Variants in THSD7B observed in about 807,000 individuals in gnomAD.
The protein encoded by THSD7B is thrombospondin type 1 domain containing 7B, also known as thrombospondin type-1 domain-containing protein 7B.
In THSD7B, 138 loss-of-function variants were observed where a neutral mutation model predicts 213.6. The ratio of observed to expected loss-of-function variants is 0.65; its 90% CI spans 0.56 to 0.74. THSD7B has a LOEUF of 0.74. THSD7B is among the 30% of genes least tolerant of loss of function. The pLI is 0.00. For synonymous variants in THSD7B, 742 were observed against 687.0 expected, an observed-to-expected ratio of 1.08 and a Z score of -1.25; for missense variants, 1,931 against 1,991.5, an observed-to-expected ratio of 0.97 and a Z score of 0.58.
At chr2:137,247,709 T>A (rs968212065) in intron 10 of THSD7B, among the ~76,000 whole-genome samples, 4 of 152,078 alleles carry the variant, frequency 2.6e-5, no homozygotes, top group Non-Finnish European at 4.4e-5. Context: ...CCTCATTTGG[T>A]GGAATTCATT....
chr2:137,575,327 A>G (rs1385697641), intron 17 of THSD7B, among the ~76,000 whole-genome samples: 1 of 152,080 alleles, frequency 6.6e-6, no homozygotes, highest in African/African-American at 2.4e-5. Context: ...AATCCCAGAC[A>G]GGGAGCAGTA....
rs187146710 is a variant in THSD7B, at chr2:137,165,372, G to A, written c.1525+5004G>A. 6.4e-3 allele frequency among the ~76,000 whole-genome samples: 971 copies of A among 152,328 alleles called. 9 individuals carry two copies. Among genetic ancestry groups the A allele is most frequent in the Non-Finnish European group, 0.011 (756 of 68,016 alleles). On this transcript the variant is annotated intron_variant, in intron 6 of 27. Transcript: ENST00000409968. ...GCCTATATTCCCTCTTGGGAAGAAT[G>A]AAGAATAGAGTTTTCCCTCTAGGGA...
chr2:136,854,022 G>A (rs1683138657), intron 1 of THSD7B, among the ~76,000 whole-genome samples: 1 of 152,124 alleles, frequency 6.6e-6, no homozygotes, highest in Non-Finnish European at 1.5e-5. Flanking sequence ...ACAACAGGAT[G>A]CTCTAGGCTC....
intron 15 of THSD7B, among the ~76,000 whole-genome samples, chr2:137,451,233 C>A (rs574625834): frequency 2.0e-5 from 3 of 151,806 alleles, no homozygotes; most frequent in Admixed American, 2.0e-4. Context: ...AACTTGGTAT[C>A]CTTAGTAGTA....
chr2:136,793,036 G>A (rs1456512830), intron 1 of THSD7B, among the ~76,000 whole-genome samples: 1 of 151,974 alleles, frequency 6.6e-6, no homozygotes, highest in Non-Finnish European at 1.5e-5. Flanking sequence ...GAATAATGCT[G>A]CTATAAACAT....
intron 2 of THSD7B, among the ~76,000 whole-genome samples, chr2:136,904,334 A>C (rs1398604860): frequency 6.6e-6 from 1 of 152,142 alleles, no homozygotes; most frequent in Non-Finnish European, 1.5e-5. Flanking sequence ...ACATGGAGGC[A>C]GATGCAGAGA....
At chr2:136,861,475 A>G (rs909426569) in intron 1 of THSD7B, among the ~76,000 whole-genome samples, 3 of 152,216 alleles carry the variant, frequency 2.0e-5, no homozygotes, top group Non-Finnish European at 4.4e-5. Flanking sequence ...CTCATTCTAC[A>G]TGGGAGGCAA....
chr2:136,951,371 A>C (rs932319987), intron 2 of THSD7B, among the ~76,000 whole-genome samples: 4 of 152,186 alleles, frequency 2.6e-5, no homozygotes, highest in Non-Finnish European at 5.9e-5. Flanking sequence ...TGCTTAGGTA[A>C]AAATATAACT....
chr2:137,388,406 T>G (rs1309348202), intron 12 of THSD7B, among the ~76,000 whole-genome samples: 1 of 152,158 alleles, frequency 6.6e-6, no homozygotes, highest in Non-Finnish European at 1.5e-5. Flanking sequence ...ATATAATTTC[T>G]GTACATTTTT....
intron 20 of THSD7B, among the ~76,000 whole-genome samples, chr2:137,632,017 A>C (rs1682750355): frequency 6.6e-6 from 1 of 152,178 alleles, no homozygotes. Context: ...TTACCGATGT[A>C]ATGATAGGCA....
chr2:137,106,769 G>A (rs141910709), intron 4 of THSD7B, among the ~76,000 whole-genome samples: 4 of 152,190 alleles, frequency 2.6e-5, no homozygotes, highest in East Asian at 3.9e-4. Context: ...ACATTTATGC[G>A]GCCAACAAAC....
intron 3 of THSD7B, among the ~76,000 whole-genome samples, chr2:137,076,398 G>A (rs1687623677): frequency 6.6e-6 from 1 of 152,228 alleles, no homozygotes; most frequent in South Asian, 2.1e-4. Flanking sequence ...CCATGTGAGG[G>A]ATATAATCTC....
At chr2:137,480,852 C>T (rs1011268979) in intron 15 of THSD7B, among the ~76,000 whole-genome samples, 4 of 152,208 alleles carry the variant, frequency 2.6e-5, no homozygotes, top group African/African-American at 9.7e-5. Flanking sequence ...TAATTTTTCC[C>T]AGAAGCACGA....
chr2:136,977,726 A>C (rs1685503065), intron 2 of THSD7B, among the ~76,000 whole-genome samples: 1 of 151,130 alleles, frequency 6.6e-6, no homozygotes, highest in African/African-American at 2.4e-5. Flanking sequence ...TTTACCCAGG[A>C]GTTATTCAGG....
intron 4 of THSD7B, among the ~76,000 whole-genome samples, chr2:137,109,515 G>A (rs568948395): frequency 1.1e-4 from 17 of 152,198 alleles, no homozygotes; most frequent in South Asian, 4.2e-4. Context: ...CAGTAGGAGC[G>A]CTGAGCTTGT....
chr2:136,792,597 T>A (rs2104915182), intron 1 of THSD7B, among the ~76,000 whole-genome samples: 2 of 152,110 alleles, frequency 1.3e-5, no homozygotes, highest in South Asian at 4.2e-4. Flanking sequence ...GGGGAGGCTG[T>A]GCTGATGGGG....
intron 3 of THSD7B, among the ~76,000 whole-genome samples, chr2:137,083,838 G>A (rs1381138353): frequency 6.6e-6 from 1 of 152,080 alleles, no homozygotes; most frequent in East Asian, 1.9e-4. Context: ...CATATGGATA[G>A]CACTGTTTTT....
At position 137,405,560 on chromosome 2, in the gene THSD7B, C is replaced by T. The variant is rs748839024; in HGVS notation, c.2501-53C>T. The T allele has an allele frequency of 1.0e-5, 15 of 1,501,956 alleles. No individual in the cohort carries two copies. The Admixed American group carries it at 2.8e-4, about 28-fold the overall frequency. 93.0% of individuals were successfully genotyped at this position (1,501,956 alleles called of 1,614,324 possible). On this transcript the variant is annotated intron_variant, in intron 12 of 27. Transcript: ENST00000409968. ...TTCTGCTGTCTTGTCAAAGAACCAG[C>T]AGCTGACTGATTTAATCAAAATAAT...
At chr2:137,281,027 G>A (rs1682995661) in intron 12 of THSD7B, among the ~76,000 whole-genome samples, 1 of 152,112 alleles carries the variant, frequency 6.6e-6, no homozygotes, top group South Asian at 2.1e-4. Context: ...TTATGGCACT[G>A]TAATGGATAC....
Sources: allele counts gnomAD v4.1 joint callset (sites outside exome capture counted in the v4.1 genomes callset), GRCh38; gene constraint gnomAD v4.1.1; transcripts MANE v1.5; gene names NCBI Gene and HGNC (gene_info 2026-07-23, HGNC 2026-07-21).